SLC26A7: variants seen among roughly 807,000 people sequenced by gnomAD.
The protein encoded by SLC26A7 is anion exchange transporter.
In SLC26A7, 59 loss-of-function variants were observed where a neutral mutation model predicts 82.5. That is an observed-to-expected ratio of 0.72 (90% confidence interval 0.58 to 0.89). SLC26A7 has a LOEUF of 0.89. SLC26A7 is among the 40% of genes least tolerant of loss of function. The probability of loss-of-function intolerance (pLI) is 0.00; values close to 1 mark genes in which losing one functional copy is unlikely to be tolerated. For synonymous variants in SLC26A7, 271 were observed against 274.3 expected (o/e 0.99, Z 0.12); for missense variants, 820 against 793.0 (o/e 1.03, Z -0.41).
chr8:91,305,073 C>T (rs900706361), intron 4 of SLC26A7, among the ~76,000 whole-genome samples: 4 of 152,114 alleles, frequency 2.6e-5, no homozygotes, highest in Non-Finnish European at 2.9e-5. Flanking sequence ...TACACATTTC[C>T]CTCCTTTTCT....
chr8:91,259,001 C>T (rs1810885908), intron 2 of SLC26A7, among the ~76,000 whole-genome samples: 1 of 152,082 alleles, frequency 6.6e-6, no homozygotes, highest in Non-Finnish European at 1.5e-5. Flanking sequence ...ACATGATCTC[C>T]TTGGCCTCTC....
At chr8:91,264,763 T>C (rs1251531954) in intron 2 of SLC26A7, among the ~76,000 whole-genome samples, 1 of 152,080 alleles carries the variant, frequency 6.6e-6, no homozygotes, top group African/African-American at 2.4e-5. Flanking sequence ...TTTTTGTTTA[T>C]AATTGACACA....
chr8:91,278,540 T>C (rs61273930), intron 2 of SLC26A7, among the ~76,000 whole-genome samples: 16,803 of 152,152 alleles, frequency 0.11, 1,105 homozygotes, highest in Middle Eastern at 0.21. Flanking sequence ...AATGCAAAGA[T>C]GTTATTTTTT....
At chr8:91,370,002 G>A (rs1033252373) in intron 15 of SLC26A7, among the ~76,000 whole-genome samples, 169 bp downstream of exon 15, 2 of 151,078 alleles carry the variant, frequency 1.3e-5, no homozygotes, top group East Asian at 2.0e-4. Flanking sequence ...TTCTACTGGC[G>A]TTAGCTTGAG....
At chr8:91,233,967 A>G (rs1444466342) in intron 2 of SLC26A7, among the ~76,000 whole-genome samples, 2 of 152,228 alleles carry the variant, frequency 1.3e-5, no homozygotes, top group East Asian at 3.8e-4. Context: ...CTTAAGGATG[A>G]TATTCTAATC....
In SLC26A7 at chr8:91,310,998, CT is replaced by C. The variant is rs1466654963; in HGVS notation, c.478-7216del. Among the ~76,000 whole-genome samples the C allele has an allele frequency of 3.3e-5, 5 of 152,158 alleles. No homozygotes were observed. The East Asian group carries it at 9.7e-4, about 29-fold the overall frequency. On this transcript the variant is annotated intron_variant, in intron 4 of 18. Transcript: ENST00000276609. Reference sequence around the variant, plus strand: ...AACTTGTCTCAGTCTCTCCTTCTGCCTTATGTCCCTCAGTTGAATTCTTTCT... The same window carrying C: ...AACTTGTCTCAGTCTCTCCTTCTGCCTATGTCCCTCAGTTGAATTCTTTCT...
At chr8:91,227,963 G>T (rs761711345) in intron 2 of SLC26A7, among the ~76,000 whole-genome samples, 4 of 152,058 alleles carry the variant, frequency 2.6e-5, no homozygotes, top group Non-Finnish European at 5.9e-5. Flanking sequence ...GTTTTCCCTC[G>T]TGGCCTTGAG....
intron 5 of SLC26A7, among the ~76,000 whole-genome samples, chr8:91,332,904 A>C (rs1281915935): frequency 6.6e-6 from 1 of 151,990 alleles, no homozygotes; most frequent in Non-Finnish European, 1.5e-5. Context: ...ATAAACCCAT[A>C]TTTTCTTTCA....
At chr8:91,216,498 TA>T (rs1289270245) in intron 1 of SLC26A7, among the ~76,000 whole-genome samples, 1 of 152,182 alleles carries the variant, frequency 6.6e-6, no homozygotes, top group Non-Finnish European at 1.5e-5. Flanking sequence ...TTGGCTCTAT[TA>T]ATTGTTCAGG....
At chr8:91,331,451 T>A (rs1052319412) in intron 5 of SLC26A7, among the ~76,000 whole-genome samples, 1 of 152,198 alleles carries the variant, frequency 6.6e-6, no homozygotes. Context: ...AATGCTGTTT[T>A]AAACAATGTT....
chr8:91,264,744 A>C (rs779219190), intron 2 of SLC26A7, among the ~76,000 whole-genome samples: 17 of 152,024 alleles, frequency 1.1e-4, no homozygotes, highest in African/African-American at 3.9e-4. Flanking sequence ...GTTACTTGCC[A>C]AAAATTTTTT....
chr8:91,273,893 G>C (rs1397613188), intron 2 of SLC26A7, among the ~76,000 whole-genome samples: 1 of 152,196 alleles, frequency 6.6e-6, no homozygotes, highest in Non-Finnish European at 1.5e-5. Flanking sequence ...GTTAGTTGAG[G>C]ACCTTGTAAT....
intron 9 of SLC26A7, among the ~76,000 whole-genome samples, chr8:91,345,899 A>G (rs1813549178): frequency 6.6e-6 from 1 of 152,188 alleles, no homozygotes; most frequent in African/African-American, 2.4e-5. Flanking sequence ...GAAAGATTAT[A>G]CTTATTTTAA....
At chr8:91,292,123 G>A (rs1811887015) in intron 3 of SLC26A7, among the ~76,000 whole-genome samples, 1 of 152,006 alleles carries the variant, frequency 6.6e-6, no homozygotes, top group East Asian at 1.9e-4. Context: ...GGCTAACACG[G>A]TGAAACCCTG....
intron 9 of SLC26A7, chr8:91,348,210 A>T: frequency 2.1e-6 from 1 of 475,896 alleles, no homozygotes; most frequent in Non-Finnish European, 2.7e-6. Context: ...AAACCTTCTT[A>T]ATCTAGCTTT....
chr8:91,228,259 G>T (rs139303268), intron 2 of SLC26A7, among the ~76,000 whole-genome samples: 1 of 152,196 alleles, frequency 6.6e-6, no homozygotes, highest in African/African-American at 2.4e-5. Context: ...TGGTTAATAC[G>T]ACAGCACGGT....
intron 4 of SLC26A7, among the ~76,000 whole-genome samples, chr8:91,310,221 T>A (rs2130797501): frequency 6.6e-6 from 1 of 152,292 alleles, no homozygotes; most frequent in South Asian, 2.1e-4. Flanking sequence ...ACTAGCTACC[T>A]ACTATAACAT....
intron 2 of SLC26A7, among the ~76,000 whole-genome samples, chr8:91,267,697 G>T (rs1242341441): frequency 1.3e-5 from 2 of 151,522 alleles, no homozygotes. Flanking sequence ...CTATCTTTAA[G>T]AAATACCCAA....
At chr8:91,332,491 T>TACACACACACACAC (rs34306717) in intron 5 of SLC26A7, among the ~76,000 whole-genome samples, 26 of 125,206 alleles carry the variant, frequency 2.1e-4, no homozygotes, top group African/African-American at 5.4e-4. Flanking sequence ...ATATATTTAA[T>TACACACACACACAC]ACACACACAC....
Sources: gnomAD v4.1 joint callset for allele counts (sites outside exome capture counted in the v4.1 genomes callset) on GRCh38, gnomAD v4.1.1 for gene constraint, MANE v1.5 for transcripts, NCBI Gene and HGNC (gene_info 2026-07-23, HGNC 2026-07-21) for gene names.